GIT2: variants seen among roughly 807,000 people sequenced by gnomAD.
GIT2 encodes the protein GIT ArfGAP 2.
A neutral mutation model predicts 100.3 loss-of-function variants in GIT2; 32 were observed. That is an observed-to-expected ratio of 0.32 (90% CI 0.24 to 0.43). The LOEUF (loss-of-function observed/expected upper bound fraction) is 0.43, where lower values mean the gene tolerates loss of function less well. Among genes scored for constraint, GIT2 ranks in the 20% least tolerant of loss-of-function variants. The pLI, the probability that GIT2 is intolerant of heterozygous loss-of-function variation, is 1.00. For missense variants in GIT2, 737 were observed against 975.1 expected, an observed-to-expected ratio of 0.76 and a Z score of 3.25; for synonymous variants, 353 against 364.1, an observed-to-expected ratio of 0.97 and a Z score of 0.35.
rs892094249 is a variant in GIT2, at chr12:109,933,814, T to C, written c.2067+208A>G. 101 of 526,218 alleles carry C rather than the reference T, an allele frequency of 1.9e-4. 1 individual carries two copies. The highest frequency in any genetic ancestry group is 5.3e-4 in the Middle Eastern group (1 of 1,904). 32.6% of individuals were successfully genotyped at this position (526,218 alleles called of 1,614,324 possible). Reference sequence around the variant, plus strand: ...CAGGGTCTCTCCATGTTGGTCAGGCTGGCCTCGAACTCCCGACCTCAGGTG... The same window carrying C: ...CAGGGTCTCTCCATGTTGGTCAGGCCGGCCTCGAACTCCCGACCTCAGGTG... On this transcript the variant is annotated intron_variant, in intron 19 of 19. Coordinates refer to ENST00000355312, the MANE Select transcript of GIT2 (RefSeq NM_057169.5). The surrounding 1 kb of genome is among the most constrained non-coding windows in gnomAD (Gnocchi z 4.5).
intron 8 of GIT2, among the ~76,000 whole-genome samples, chr12:109,966,459 A>G (rs1296119100): frequency 1.4e-5 from 2 of 146,502 alleles, no homozygotes; most frequent in African/African-American, 5.0e-5. Context: ...CCCTAAGCCT[A>G]GACTGCACCA....
chr12:109,939,083 G>T, intron 17 of GIT2, 82 bp downstream of exon 17: 1 of 787,802 alleles, frequency 1.3e-6, no homozygotes, highest in Non-Finnish European at 2.3e-6. Context: ...TGTGTGTGGT[G>T]AACTGCTTCT....
chr12:109,965,753 A>G, intron 8 of GIT2, 176 bp from the exon 9 acceptor site: 1 of 746,626 alleles, frequency 1.3e-6, no homozygotes, highest in Non-Finnish European at 2.5e-6. Flanking sequence ...CAATCTGGTG[A>G]AAGTAACTCC....
chr12:109,983,713 A>G lies in GIT2; in HGVS notation c.406-19T>C. The G allele has an allele frequency of 6.4e-7, 1 of 1,563,266 alleles. No homozygotes were observed. Among genetic ancestry groups the G allele is most frequent in the Non-Finnish European group, 8.8e-7 (1 of 1,135,230 alleles). The stretch of plus-strand genomic sequence containing the variant: ...GGAGTTGCTGAAAAACGCAGAAACA[A>G]AAAAGGAATCGTGGTTAGAGGTGTA... On this transcript the variant is annotated intron_variant, in intron 4 of 19. Coordinates refer to ENST00000355312, the MANE Select transcript of GIT2 (RefSeq NM_057169.5).
chr12:109,989,874 C>G (rs1888071384), intron 2 of GIT2, 72 bp from the exon 3 acceptor site: 3 of 798,100 alleles, frequency 3.8e-6, no homozygotes, highest in African/African-American at 3.4e-5. Context: ...AGTGACTGAA[C>G]AGAGTAAACA....
rs530307440 is a variant in GIT2, at chr12:109,987,395, A to AAAAT, written c.405+1564_405+1567dup. On this transcript the variant is annotated intron_variant, in intron 4 of 19. Transcript: ENST00000355312. ...CAAGACTCTATCTCAAAAATAAATA[A>AAAAT]AAATAAATAAATAAATAAATAAATA... Among the ~76,000 whole-genome samples, 882 of 151,862 alleles carry AAAAT rather than the reference A, an allele frequency of 5.8e-3. 7 individuals carry two copies. Among genetic ancestry groups the AAAAT allele is most frequent in the African/African-American group, 0.017 (688 of 41,438 alleles).
intron 13 of GIT2, chr12:109,952,410 T>A (rs1878136278): frequency 2.1e-6 from 1 of 486,130 alleles, no homozygotes; most frequent in Admixed American, 2.1e-5. Flanking sequence ...AGTATGGATC[T>A]CTCCCTCCAC....
upstream of GIT2, chr12:109,996,490 C>G (rs974241428): frequency 9.1e-6 from 4 of 440,938 alleles, no homozygotes; most frequent in Admixed American, 4.4e-5. Context: ...TCTGTCCTAC[C>G]TTTAAATATT....
intron 7 of GIT2, among the ~76,000 whole-genome samples, chr12:109,969,795 G>A (rs937885859): frequency 4.0e-5 from 6 of 149,562 alleles, no homozygotes; most frequent in Non-Finnish European, 7.4e-5. Flanking sequence ...TCACTCTGTC[G>A]CCCAGGCTGG....
chr12:109,952,909 G>T, intron 13 of GIT2, 183 bp downstream of exon 13: 1 of 612,282 alleles, frequency 1.6e-6, no homozygotes, highest in Non-Finnish European at 2.9e-6. Flanking sequence ...GTTTTATAAA[G>T]TCTCAACTGC....
Position 109,932,805 on chromosome 12 carries a change from A to C in GIT2, c.*173T>G. 2 of 582,122 alleles carry C rather than the reference A, an allele frequency of 3.4e-6. No homozygotes were observed. Among genetic ancestry groups the C allele is most frequent in the Admixed American group, 3.0e-5 (1 of 33,092 alleles). The allele number at this position is 582,122 out of a possible 1,614,324, so 36.1% of individuals were successfully genotyped here. Reference sequence around the variant, plus strand: ...GGCACAAAATAAGGCAAGTGGGTTAAATAGTTGAAAATTGGTTAGAAAACA... The same window carrying C: ...GGCACAAAATAAGGCAAGTGGGTTACATAGTTGAAAATTGGTTAGAAAACA... On this transcript the variant is annotated 3_prime_UTR_variant, in exon 20 of 20. Transcript: ENST00000355312.
At chr12:109,942,924 ATAT>A (rs747604164) in intron 16 of GIT2, 5 of 152,220 alleles carry the variant, frequency 3.3e-5, no homozygotes, top group Admixed American at 6.5e-5. Flanking sequence ...TGTATCAAAA[ATAT>A]TATAAGCATG....
At chr12:109,936,768 G>A (rs2136144566) in intron 18 of GIT2, among the ~76,000 whole-genome samples, 1 of 152,144 alleles carries the variant, frequency 6.6e-6, no homozygotes, top group Admixed American at 6.5e-5. Context: ...TACTTGGGAA[G>A]CTGAGGCAGG....
chr12:109,983,703 C>A lies in GIT2; in HGVS notation c.406-9G>T, dbSNP rs200008112. On this transcript the variant is annotated splice_polypyrimidine_tract_variant and intron_variant, in intron 4 of 19. Coordinates refer to ENST00000355312, the MANE Select transcript of GIT2 (RefSeq NM_057169.5). ...ACGCTCGAATGGAGTTGCTGAAAAACGCAGAAACAAAAAAGGAATCGTGGT... is the reference window on the plus strand; with the variant it reads ...ACGCTCGAATGGAGTTGCTGAAAAAAGCAGAAACAAAAAAGGAATCGTGGT... 3.8e-6 allele frequency: 6 copies of A among 1,595,828 alleles called. No homozygotes were observed. The highest frequency in any genetic ancestry group is 3.4e-5 in the Admixed American group (2 of 58,386).
At chr12:109,938,271 A>C (rs1592947661) in intron 18 of GIT2, 109 bp downstream of exon 18, 1 of 740,836 alleles carries the variant, frequency 1.3e-6, no homozygotes, top group Non-Finnish European at 2.3e-6. Flanking sequence ...GTTTTCAATG[A>C]CCTTGAAGTC....
At chr12:109,972,950 G>A (rs914250605) in intron 7 of GIT2, among the ~76,000 whole-genome samples, 1 of 151,942 alleles carries the variant, frequency 6.6e-6, no homozygotes, top group African/African-American at 2.4e-5. Context: ...AGCCTCCAGA[G>A]TAACTGGGAC....
chr12:109,989,042 G>C lies in GIT2; in HGVS notation c.326C>G (p.Ala109Gly). 1 of 1,610,928 alleles carries C rather than the reference G, an allele frequency of 6.2e-7. No homozygotes were observed. The highest frequency in any genetic ancestry group is 1.3e-5 in the African/African-American group (1 of 74,908). The part of the protein sequence containing the change: ...VHPNKAEFIR[A>G]KYQMLAFVHR... The stretch of plus-strand genomic sequence containing the variant: ...GACGAACGCTAACATCTGATACTTG[G>C]CTCTGATGAATTCCGCTTTATTGGG... The change falls in exon 4 of 20, where the codon GCC becomes GGC. Residue 109 changes from alanine (A) to glycine (G), a missense_variant. This residue lies in a region of GIT2 where 266 missense variants were observed against 376.2 expected (regional missense o/e 0.71). Transcript: ENST00000355312.
chr12:109,989,607 G>C (rs1888025831), intron 3 of GIT2, 83 bp downstream of exon 3: 1 of 789,042 alleles, frequency 1.3e-6, no homozygotes, highest in Non-Finnish European at 2.2e-6. Flanking sequence ...CCCTTGCGGA[G>C]ACTGACCAAA....
rs1871857855 is a variant in GIT2 at position 109,932,724 on chromosome 12, T to C, written c.*254A>G. 1 of 400,488 alleles carries C rather than the reference T, an allele frequency of 2.5e-6. No homozygotes were observed. Among genetic ancestry groups the C allele is most frequent in the Non-Finnish European group, 4.5e-6 (1 of 220,062 alleles). The allele number at this position is 400,488 out of a possible 1,614,324, so 24.8% of individuals were successfully genotyped here. Reference sequence around the variant, plus strand: ...AAACTATACTTTTGGATGTATGTGATCAACTCAACAGTTGTTGACAACACA... The same window carrying C: ...AAACTATACTTTTGGATGTATGTGACCAACTCAACAGTTGTTGACAACACA... On this transcript the variant is annotated 3_prime_UTR_variant, in exon 20 of 20. Transcript: ENST00000355312.
Sources: gnomAD v4.1 joint callset for allele counts (sites outside exome capture counted in the v4.1 genomes callset) on GRCh38, gnomAD v4.1.1 for gene constraint, gnomAD v4.1.1 regional missense constraint, Gnocchi (gnomAD v3.1) non-coding constraint, MANE v1.5 for transcripts, NCBI Gene and HGNC (gene_info 2026-07-23, HGNC 2026-07-21) for gene names.